SRRM2: variants seen among roughly 807,000 people sequenced by gnomAD.
The protein encoded by SRRM2 is serine/arginine repetitive matrix protein 2.
A neutral mutation model predicts 213.8 loss-of-function variants in SRRM2; 30 were observed. That is an observed-to-expected ratio of 0.14 (90% CI 0.10 to 0.19). The LOEUF is 0.19. SRRM2 is among the 10% of genes least tolerant of loss of function. The pLI, the probability that SRRM2 is intolerant of heterozygous loss-of-function variation, is 1.00. For synonymous variants in SRRM2, 2,025 were observed against 1,377.7 expected (o/e 1.47, Z -10.40); for missense variants, 4,904 against 3,647.0 (o/e 1.34, Z -8.88).
Position 2,756,594 on chromosome 16 carries a change from TGGAAGAGCAGGGGTGA to T in SRRM2, c.233_242+6del. 1 of 1,612,660 alleles carries T rather than the reference TGGAAGAGCAGGGGTGA, an allele frequency of 6.2e-7. No homozygotes were observed. The highest frequency in any genetic ancestry group is 8.5e-7 in the Non-Finnish European group (1 of 1,179,346). On this transcript the variant is annotated splice_donor_variant and splice_donor_region_variant and coding_sequence_variant and intron_variant, in exon 2 of 15. Transcript: ENST00000301740. LOFTEE classifies it high-confidence loss of function. The stretch of plus-strand genomic sequence containing the variant: ...CGATGCCTCGAGCTGGAGGAGATGA[TGGAAGAGCAGGGGTGA>T]GGGAGAGCTGGGGGAGAGTCAAGCA...
Position 2,764,686 on chromosome 16 carries a change from A to T in SRRM2, c.4158A>T (p.Leu1386Phe), listed in dbSNP as rs1240634125. The T allele has an allele frequency of 1.2e-6, 2 of 1,614,146 alleles. No individual in the cohort carries two copies. The highest frequency in any genetic ancestry group is 8.5e-7 in the Non-Finnish European group (1 of 1,180,040). ...CCTCTGGACACAGCAGTTCTGAGTT[A>T]TCCCCAGATGCAGTGGAAAAGGCAG... Reference protein sequence around the residue: ...TRSSGHSSSELSPDAVEKAGM... With the variant: ...TRSSGHSSSEFSPDAVEKAGM... The change falls in exon 11 of 15, where the codon TTA becomes TTT. Residue 1386 changes from leucine (L) to phenylalanine (F), a missense_variant. Physicochemically the swap from Leu to Phe is conservative, Grantham distance 22. Transcript: ENST00000301740.
Position 2,767,119 on chromosome 16 carries a change from G to T in SRRM2, c.6591G>T (p.Pro2197=), listed in dbSNP as rs118057303. The T allele has an allele frequency of 1.2e-6, 2 of 1,613,996 alleles. No individual in the cohort carries two copies. The highest frequency in any genetic ancestry group is 1.7e-6 in the Non-Finnish European group (2 of 1,180,028). ...AISLGTARPP[P]SMSAAGLAAR... The stretch of plus-strand genomic sequence containing the variant: ...GTCTTGGCACCGCTCGGCCTCCTCC[G>T]TCCATGTCTGCTGCTGGCCTTGCTG... Residue 2197 remains proline, a synonymous_variant, in exon 11 of 15, where the codon CCG becomes CCT. Coordinates refer to ENST00000301740, the MANE Select transcript of SRRM2 (RefSeq NM_016333.4).
intron 11 of SRRM2, chr16:2,768,735 A>AG (rs1253990457): frequency 1.4e-6 from 1 of 728,632 alleles, no homozygotes; most frequent in African/African-American, 1.7e-5. Flanking sequence ...CTGAGCCCAG[A>AG]GGCCTTATTC....
At chr16:2,760,094 G>C in intron 9 of SRRM2, 3 of 613,654 alleles carry the variant, frequency 4.9e-6, no homozygotes. Flanking sequence ...GGTAGAGGGA[G>C]AACGCTCTTT....
In SRRM2 at chr16:2,762,209, A is replaced by T; in HGVS notation, c.1681A>T (p.Arg561Trp). The change falls in exon 11 of 15, where the codon AGG becomes TGG. Residue 561 changes from arginine to tryptophan, a missense_variant. Coordinates refer to ENST00000301740, the MANE Select transcript of SRRM2 (RefSeq NM_016333.4). ...RGRSRSARRG[R>W]SHSRSPATRG... is the part of the protein sequence containing the mutation. ...CAGGTCTAGGTCAGCAAGGCGAGGG[A>T]GGTCCCACTCTAGATCCCCAGCCAC... 1 of 1,614,096 alleles carries T rather than the reference A, an allele frequency of 6.2e-7. No homozygotes were observed. The highest frequency in any genetic ancestry group is 8.5e-7 in the Non-Finnish European group (1 of 1,179,994).
intron 2 of SRRM2, 48 bp downstream of exon 2, chr16:2,756,654 G>C: frequency 1.3e-6 from 2 of 1,563,844 alleles, no homozygotes; most frequent in Non-Finnish European, 1.7e-6. Context: ...GTGCAGAGCT[G>C]GGGGTGTTAG....
chr16:2,771,097 G>GGGGGGGGGGGGGGGGGGGGGCA lies in SRRM2; in HGVS notation c.*230_*231insGGGGGGGGGGGGGGGGGGGGCA. ...GTTCTGGGGGGTTTGGGGTGGGAGG[G>GGGGGGGGGGGGGGGGGGGGGCA]AATGCAGATGGGAGTTGGGGGAGGG... is the stretch of plus-strand genomic sequence containing the variant. On this transcript the variant is annotated 3_prime_UTR_variant, in exon 15 of 15. Transcript: ENST00000301740. 3.0e-6 allele frequency: 1 copy of GGGGGGGGGGGGGGGGGGGGGCA among 336,638 alleles called. No homozygotes were observed. The allele number at this position is 336,638 out of a possible 1,614,324, so 20.9% of individuals were successfully genotyped here.
In SRRM2 at chr16:2,763,091, A is replaced by G. The variant is rs530621753; in HGVS notation, c.2563A>G (p.Ile855Val). Residue 855 changes from isoleucine to valine, a missense_variant, in exon 11 of 15, where the codon ATA (isoleucine) becomes GTA (valine). Ile to Val is a conservative substitution (Grantham distance 29). Transcript: ENST00000301740. ...KSGTPPRQGS[I>V]TSPQANEQSV... Reference sequence around the variant, plus strand: ...TGGAACACCACCGAGGCAAGGGTCCATAACAAGTCCCCAGGCCAATGAGCA... The same window carrying G: ...TGGAACACCACCGAGGCAAGGGTCCGTAACAAGTCCCCAGGCCAATGAGCA... 1 of 1,614,234 alleles carries G rather than the reference A, an allele frequency of 6.2e-7. No homozygotes were observed. The highest frequency in any genetic ancestry group is 1.1e-5 in the South Asian group (1 of 91,080).
In SRRM2 at chr16:2,763,233, G is replaced by C; in HGVS notation, c.2705G>C (p.Ser902Thr). The C allele has an allele frequency of 6.2e-7, 1 of 1,614,010 alleles. No individual in the cohort carries two copies. Among genetic ancestry groups the C allele is most frequent in the Middle Eastern group, 1.6e-4 (1 of 6,062 alleles). Reference sequence around the variant, plus strand: ...TCCTCTCCTCCTAGAGTGAAATCTAGCACACCTCCCAGACAGAGCCCATCT... The same window carrying C: ...TCCTCTCCTCCTAGAGTGAAATCTACCACACCTCCCAGACAGAGCCCATCT... The part of the protein sequence containing the change: ...SGSSPPRVKS[S>T]TPPRQSPSRS... Residue 902 changes from serine (S) to threonine (T), a missense_variant, in exon 11 of 15, where the codon AGC becomes ACC. By Grantham distance (58) the Ser-to-Thr change is moderately conservative. Transcript: ENST00000301740.
intron 1 of SRRM2, chr16:2,753,539 C>T (rs1596253792): frequency 6.6e-6 from 1 of 152,216 alleles, no homozygotes; most frequent in African/African-American, 2.4e-5. Flanking sequence ...CCGTGCGTTC[C>T]CTTTTTACAC....
At chr16:2,769,493 A>AC (rs2068663992) in intron 12 of SRRM2, 5 of 641,818 alleles carry the variant, frequency 7.8e-6, no homozygotes, top group Admixed American at 2.5e-5. Flanking sequence ...TCAGGCCAGG[A>AC]CCAGGGGGTC....
Position 2,761,992 on chromosome 16 carries a change from C to T in SRRM2, c.1464C>T (p.Ala488=), listed in dbSNP as rs1351704174. The change falls in exon 11 of 15, where the codon GCC becomes GCT. Residue 488 remains alanine, a synonymous_variant. Transcript: ENST00000301740. ...SRRMGRSRSP[A]TAKRGRSRSR... ...GGATGGGGAGGTCCCGTAGCCCTGC[C>T]ACCGCTAAGAGAGGGCGATCTCGGT... 8.1e-6 allele frequency: 13 copies of T among 1,614,168 alleles called. No homozygotes were observed. Among genetic ancestry groups the T allele is most frequent in the Non-Finnish European group, 1.1e-5 (13 of 1,180,040 alleles).
chr16:2,765,362 C>T lies in SRRM2; in HGVS notation c.4834C>T (p.Pro1612Ser), dbSNP rs576578463. Residue 1612 changes from proline to serine, a missense_variant, in exon 11 of 15, where the codon CCC becomes TCC. Physicochemically the swap from Pro to Ser is moderately conservative, Grantham distance 74. Transcript: ENST00000301740. The stretch of plus-strand genomic sequence containing the variant: ...AGTGAAAGATAAGCCAAGAGCAGCA[C>T]CCAGGGCACAGAGTGGTTCTGATTC... ...PEVKDKPRAA[P>S]RAQSGSDSSP... 3 of 1,614,178 alleles carry T rather than the reference C, an allele frequency of 1.9e-6. No individual in the cohort carries two copies. Among genetic ancestry groups the T allele is most frequent in the South Asian group, 2.2e-5 (2 of 91,084 alleles).
intron 9 of SRRM2, chr16:2,759,938 T>TG: frequency 1.9e-6 from 1 of 532,428 alleles, no homozygotes. Context: ...TCGTGGTGTC[T>TG]GGGGGAGGAA....
At position 2,765,616 on chromosome 16, in the gene SRRM2, G is replaced by A. The variant is rs1457828299; in HGVS notation, c.5088G>A (p.Glu1696=). The change falls in exon 11 of 15, where the codon GAG becomes GAA. Residue 1696 remains glutamate, a synonymous_variant. Coordinates refer to ENST00000301740, the MANE Select transcript of SRRM2 (RefSeq NM_016333.4). ...PRRRSSRSSP[E]LTRKARLSRR... ...GTCGCAGCTCTCGATCATCTCCGGA[G>A]CTAACAAGGAAGGCCAGACTGTCCC... is the stretch of plus-strand genomic sequence containing the variant. 3 of 1,614,138 alleles carry A rather than the reference G, an allele frequency of 1.9e-6. No individual in the cohort carries two copies. The highest frequency in any genetic ancestry group is 1.3e-5 in the African/African-American group (1 of 75,032).
In SRRM2 at chr16:2,764,423, C is replaced by T. The variant is rs2068469020; in HGVS notation, c.3895C>T (p.Pro1299Ser). 1 of 1,612,786 alleles carries T rather than the reference C, an allele frequency of 6.2e-7. No individual in the cohort carries two copies. The highest frequency in any genetic ancestry group is 8.5e-7 in the Non-Finnish European group (1 of 1,179,694). ...GGCTTCTTTGGAAGCAGTAGAAGTC[C>T]CTTCAATGGCCTCATCTTGGGGTGG... ...SQASLEAVEVPSMASSWGGPH... is the reference protein window; with the variant it reads ...SQASLEAVEVSSMASSWGGPH... Residue 1299 changes from proline (P) to serine (S), a missense_variant, in exon 11 of 15, where the codon CCT (proline) becomes TCT (serine). Coordinates refer to ENST00000301740, the MANE Select transcript of SRRM2 (RefSeq NM_016333.4).
Position 2,764,238 on chromosome 16 carries a change from A to G in SRRM2, c.3710A>G (p.Glu1237Gly). ...SALPTSSQDE[E>G]LMEVVEKSEE... The stretch of plus-strand genomic sequence containing the variant: ...TTGCCTACGTCAAGCCAAGATGAAG[A>G]GTTAATGGAGGTGGTAGAGAAGTCT... Residue 1237 changes from glutamate (E) to glycine (G), a missense_variant, in exon 11 of 15, where the codon GAG becomes GGG. Physicochemically the swap from Glu to Gly is moderately conservative, Grantham distance 98 (BLOSUM62 -2). Coordinates refer to ENST00000301740, the MANE Select transcript of SRRM2 (RefSeq NM_016333.4). 6.2e-7 allele frequency: 1 copy of G among 1,614,158 alleles called. No homozygotes were observed. Among genetic ancestry groups the G allele is most frequent in the Non-Finnish European group, 8.5e-7 (1 of 1,180,030 alleles).
At position 2,763,354 on chromosome 16, in the gene SRRM2, G is replaced by A. The variant is rs150909021; in HGVS notation, c.2826G>A (p.Thr942=). The A allele has an allele frequency of 1.9e-5, 31 of 1,614,184 alleles. No individual in the cohort carries two copies. The highest frequency in any genetic ancestry group is 1.8e-4 in the East Asian group (8 of 44,886). The part of the protein sequence containing the change: ...GSSSPSPSRV[T]SRTTPRRSRS... ...CTTCTCCAAGTCCTAGTAGGGTGACGTCGAGAACAACTCCACGGCGAAGCA... is the reference window on the plus strand; with the variant it reads ...CTTCTCCAAGTCCTAGTAGGGTGACATCGAGAACAACTCCACGGCGAAGCA... The change falls in exon 11 of 15, where the codon ACG becomes ACA. Residue 942 remains threonine (T), a synonymous_variant. Transcript: ENST00000301740.
intron 11 of SRRM2, 124 bp downstream of exon 11, chr16:2,768,385 C>CCCAGCTTGAGGG: frequency 4.5e-6 from 5 of 1,115,518 alleles, no homozygotes; most frequent in Non-Finnish European, 6.3e-6. Flanking sequence ...GACCTTGACC[C>CCCAGCTTGAGGG]TCAAGCTGGG....
Sources: gnomAD v4.1 joint callset for allele counts on GRCh38, gnomAD v4.1.1 for gene constraint, MANE v1.5 for transcripts, NCBI Gene and HGNC (gene_info 2026-07-23, HGNC 2026-07-21) for gene names.